The following RTTN variants were observed in gnomAD, a reference collection of about 807,000 sequenced individuals.
The protein encoded by RTTN is rotatin.
In RTTN, 182 loss-of-function variants were observed where a neutral mutation model predicts 269.2. The observed-to-expected ratio is 0.68, with a 90% confidence interval of 0.60 to 0.76. The LOEUF (loss-of-function observed/expected upper bound fraction) is 0.76. Ranked by LOEUF, RTTN falls within the 30% of genes least tolerant of loss-of-function variation. RTTN has a pLI of 0.00. For synonymous variants in RTTN, 1,006 were observed against 963.5 expected (o/e 1.04, Z -0.82); for missense variants, 2,545 against 2,608.6 (o/e 0.98, Z 0.53).
intron 11 of RTTN, among the ~76,000 whole-genome samples, chr18:70,169,268 T>C (rs1175283729): frequency 6.6e-6 from 1 of 152,174 alleles, no homozygotes; most frequent in East Asian, 1.9e-4. Context: ...CAATACAAAA[T>C]GTCTCAAGTC....
At chr18:70,090,730 G>C (rs976841816) in intron 30 of RTTN, among the ~76,000 whole-genome samples, 1 of 152,198 alleles carries the variant, frequency 6.6e-6, no homozygotes, top group Non-Finnish European at 1.5e-5. Flanking sequence ...CTGTGGGCCA[G>C]AATGATGACC....
At chr18:70,006,562 C>G in intron 46 of RTTN, 78 bp from the exon 47 acceptor site, 1 of 1,080,204 alleles carries the variant, frequency 9.3e-7, no homozygotes, top group Non-Finnish European at 1.4e-6. Flanking sequence ...AGTCAGACAC[C>G]CCCCTCTTTT....
intron 10 of RTTN, among the ~76,000 whole-genome samples, chr18:70,179,820 T>A (rs2061381011): frequency 1.3e-5 from 2 of 152,178 alleles, no homozygotes; most frequent in Admixed American, 1.3e-4. Context: ...ATGCTTCCAA[T>A]GGACCTTCCA....
intron 18 of RTTN, among the ~76,000 whole-genome samples, chr18:70,143,056 C>A (rs7231297): frequency 0.73 from 110,295 of 152,116 alleles, 46,696 homozygotes; most frequent in East Asian, 1. Context: ...GCCATTCTGA[C>A]TGGTGTGAGA....
chr18:70,034,187 ACTC>A (rs1358522271), intron 40 of RTTN, among the ~76,000 whole-genome samples: 8 of 151,990 alleles, frequency 5.3e-5, no homozygotes, highest in Non-Finnish European at 7.4e-5. Context: ...AGAAGTAGGA[ACTC>A]CTCCTCAATT....
At chr18:70,057,119 A>G (rs1198479332) in intron 37 of RTTN, among the ~76,000 whole-genome samples, 1 of 152,198 alleles carries the variant, frequency 6.6e-6, no homozygotes, top group Non-Finnish European at 1.5e-5. Flanking sequence ...ACACATCTCA[A>G]AGCAAGAGAT....
At chr18:70,031,124 A>G (rs1419714169) in intron 40 of RTTN, 143 bp from the exon 41 acceptor site, 5 of 595,588 alleles carry the variant, frequency 8.4e-6, no homozygotes, top group Non-Finnish European at 1.5e-5. Context: ...ATAAATCATT[A>G]ATATTTGAGA....
intron 10 of RTTN, among the ~76,000 whole-genome samples, chr18:70,183,834 A>G (rs558190969): frequency 9.1e-4 from 138 of 152,316 alleles, no homozygotes; most frequent in African/African-American, 3.3e-3. Context: ...TACAAGTAAC[A>G]TAACCACCTG....
rs1390976552 is a variant in RTTN, at chr18:70,110,053, GAAATA to G, written c.3684-341_3684-337del. On this transcript the variant is annotated intron_variant, in intron 27 of 48. Coordinates refer to ENST00000640769, the MANE Select transcript of RTTN (RefSeq NM_173630.4). Reference sequence around the variant, plus strand: ...AGTGAGACCTCATTTCTAAAAAAATGAAATAAAATAAAATTAAAGTAAAAAAAATT... The same window carrying G: ...AGTGAGACCTCATTTCTAAAAAAATGAAATAAAATTAAAGTAAAAAAAATT... Among the ~76,000 whole-genome samples the G allele has an allele frequency of 4.6e-5, 7 of 151,986 alleles. No individual in the cohort carries two copies. In the East Asian group the frequency reaches 5.8e-4, roughly 13 times the overall value.
At chr18:70,081,555 G>A (rs549734545) in intron 32 of RTTN, among the ~76,000 whole-genome samples, 1 of 152,136 alleles carries the variant, frequency 6.6e-6, no homozygotes, top group South Asian at 2.1e-4. Flanking sequence ...CACTTCTATG[G>A]TTTTTCTGCC....
rs896707913 is a variant in RTTN, at chr18:70,079,237, C to A, written c.4375-3696G>T. Among the ~76,000 whole-genome samples the A allele has an allele frequency of 7.9e-5, 12 of 151,912 alleles. No individual in the cohort carries two copies. In the East Asian group the frequency reaches 2.3e-3, roughly 29 times the overall value. On this transcript the variant is annotated intron_variant, in intron 32 of 48. Transcript: ENST00000640769. Reference sequence around the variant, plus strand: ...TATTTATTACTTGAAAAAAAAATTTCTTCTAAAAAGTTCAATTAGTGCATT... The same window carrying A: ...TATTTATTACTTGAAAAAAAAATTTATTCTAAAAAGTTCAATTAGTGCATT...
At chr18:70,030,442 C>T (rs1182423050) in intron 41 of RTTN, among the ~76,000 whole-genome samples, 1 of 152,112 alleles carries the variant, frequency 6.6e-6, no homozygotes, top group Non-Finnish European at 1.5e-5. Flanking sequence ...CTACATTCTC[C>T]GATTCCCAAA....
chr18:70,028,606 G>C, intron 43 of RTTN, 118 bp downstream of exon 43: 1 of 578,658 alleles, frequency 1.7e-6, no homozygotes, highest in Non-Finnish European at 3.0e-6. Flanking sequence ...AATCAACTGT[G>C]TGTCTAAAAA....
rs1555776913 is a variant in RTTN, at chr18:70,184,716, T to TGTGTGTGTGTG, written c.1305+3391_1305+3392insCACACACACAC. 2.3e-3 allele frequency among the ~76,000 whole-genome samples: 76 copies of TGTGTGTGTGTG among 33,446 alleles called. 1 individual carries two copies. Among genetic ancestry groups the TGTGTGTGTGTG allele is most frequent in the African/African-American group, 3.8e-3 (60 of 15,674 alleles). 21.9% of individuals were successfully genotyped at this position (33,446 alleles called of 152,430 possible). On this transcript the variant is annotated intron_variant, in intron 10 of 48. Coordinates refer to ENST00000640769, the MANE Select transcript of RTTN (RefSeq NM_173630.4). ...AAACCACAGCAGGTTTTTTTTTTTT[T>TGTGTGTGTGTG]TGTGTGTGTGTGTGTGTGTGTGTGT...
intron 37 of RTTN, among the ~76,000 whole-genome samples, chr18:70,055,314 C>G (rs1355992333): frequency 1.3e-5 from 2 of 151,596 alleles, no homozygotes; most frequent in South Asian, 4.2e-4. Context: ...TACACACACA[C>G]ACATACACAC....
Position 70,092,151 on chromosome 18 carries a change from A to G in RTTN, c.4102T>C (p.Leu1368=), listed in dbSNP as rs2145237813. 1.2e-6 allele frequency: 2 copies of G among 1,613,652 alleles called. No individual in the cohort carries two copies. The highest frequency in any genetic ancestry group is 1.7e-6 in the Non-Finnish European group (2 of 1,179,622). The change falls in exon 30 of 49, where the codon TTG becomes CTG. Residue 1368 remains leucine, a synonymous_variant. Coordinates refer to ENST00000640769, the MANE Select transcript of RTTN (RefSeq NM_173630.4). The part of the protein sequence containing the change: ...SEEHIPTQQG[L]AWLIPLWVDR... ...ACCCATAATGGAATCAACCAAGCCA[A>G]TCCTTGTTGAGTAGGAATATGTTCT...
chr18:70,066,507 G>A (rs558520335), intron 34 of RTTN, among the ~76,000 whole-genome samples: 4 of 152,244 alleles, frequency 2.6e-5, no homozygotes, highest in East Asian at 1.9e-4. Flanking sequence ...TGAGCAGACC[G>A]ACCTTCTAAG....
At chr18:70,196,683 G>T in intron 6 of RTTN, 35 bp from the exon 7 acceptor site, 2 of 1,594,274 alleles carry the variant, frequency 1.3e-6, no homozygotes, top group South Asian at 2.3e-5. Context: ...ATTACTAAGG[G>T]AACAAAGAGC....
chr18:70,032,814 C>T (rs1186552119), intron 40 of RTTN, among the ~76,000 whole-genome samples: 1 of 152,230 alleles, frequency 6.6e-6, no homozygotes, highest in African/African-American at 2.4e-5. Flanking sequence ...GAACTCAACA[C>T]TGGACCAAAT....
Sources: gnomAD v4.1 joint callset for allele counts (sites outside exome capture counted in the v4.1 genomes callset) on GRCh38, gnomAD v4.1.1 for gene constraint, MANE v1.5 for transcripts, NCBI Gene and HGNC (gene_info 2026-07-23, HGNC 2026-07-21) for gene names.